LRFN5: variants seen among roughly 807,000 people sequenced by gnomAD.
LRFN5 encodes the protein leucine rich repeat and fibronectin type III domain containing 5.
In LRFN5, 24 loss-of-function variants were observed where a neutral mutation model predicts 45.6. The observed-to-expected ratio is 0.53, with a 90% confidence interval of 0.38 to 0.74. The LOEUF (loss-of-function observed/expected upper bound fraction) is 0.74, where lower values mean the gene tolerates loss of function less well. Among genes scored for constraint, LRFN5 ranks in the 30% least tolerant of loss-of-function variants. LRFN5 has a pLI of 0.00. For missense variants in LRFN5, 776 were observed against 861.5 expected, an observed-to-expected ratio of 0.90 and a Z score of 1.24; for synonymous variants, 340 against 313.8, an observed-to-expected ratio of 1.08 and a Z score of -0.88.
intron 1 of LRFN5, among the ~76,000 whole-genome samples, chr14:41,623,174 A>G (rs147632084): frequency 6.6e-6 from 1 of 152,124 alleles, no homozygotes; most frequent in African/African-American, 2.4e-5. Context: ...TTCTACAGTC[A>G]TTGAATAAAT....
chr14:41,719,667 A>G (rs1486087044), intron 1 of LRFN5, among the ~76,000 whole-genome samples: 1 of 151,746 alleles, frequency 6.6e-6, no homozygotes, highest in African/African-American at 2.4e-5. Flanking sequence ...TACTCTTTCC[A>G]TCTTTTAAGA....
At chr14:41,631,454 A>T (rs1888531139) in intron 1 of LRFN5, among the ~76,000 whole-genome samples, 1 of 152,200 alleles carries the variant, frequency 6.6e-6, no homozygotes, top group Admixed American at 6.5e-5. Flanking sequence ...AATGAAAAAG[A>T]CAAAAATCCC....
intron 1 of LRFN5, among the ~76,000 whole-genome samples, chr14:41,726,374 TG>T (rs1157334288): frequency 6.6e-6 from 1 of 152,166 alleles, no homozygotes; most frequent in Non-Finnish European, 1.5e-5. Flanking sequence ...ACTTAATCTT[TG>T]TTAAATAACA....
intron 1 of LRFN5, among the ~76,000 whole-genome samples, chr14:41,740,335 A>C (rs1012951421): frequency 2.0e-5 from 3 of 152,054 alleles, no homozygotes; most frequent in Non-Finnish European, 4.4e-5. Flanking sequence ...TAAAATATTT[A>C]TTAACTTTGA....
At chr14:41,827,813 A>T (rs886879228) in intron 2 of LRFN5, among the ~76,000 whole-genome samples, 2 of 151,998 alleles carry the variant, frequency 1.3e-5, no homozygotes, top group African/African-American at 4.8e-5. Context: ...TTCATTGCTT[A>T]TATGTTTCTA....
intron 1 of LRFN5, chr14:41,700,648 T>A (rs768029426): frequency 5.9e-5 from 9 of 151,646 alleles, no homozygotes; most frequent in Non-Finnish European, 1.2e-4. Context: ...ACTTGTCGAG[T>A]AGGGAGAAAG....
intron 1 of LRFN5, among the ~76,000 whole-genome samples, chr14:41,712,272 A>G (rs1883315460): frequency 6.8e-6 from 1 of 146,606 alleles, no homozygotes; most frequent in Admixed American, 7.0e-5. Context: ...ATTAAGAAAA[A>G]GGTTTTGGGC....
At chr14:41,740,283 A>G (rs1250359372) in intron 1 of LRFN5, among the ~76,000 whole-genome samples, 2 of 152,074 alleles carry the variant, frequency 1.3e-5, no homozygotes, top group African/African-American at 4.8e-5. Context: ...AATATGGAGC[A>G]AAAATCCTCA....
intron 1 of LRFN5, among the ~76,000 whole-genome samples, chr14:41,681,937 G>C (rs929917640): frequency 1.3e-5 from 2 of 151,594 alleles, no homozygotes; most frequent in African/African-American, 4.8e-5. Flanking sequence ...TCCTGCCTCA[G>C]CCTCCTGAGT....
intron 1 of LRFN5, among the ~76,000 whole-genome samples, chr14:41,717,280 A>T (rs1416565059): frequency 6.6e-6 from 1 of 152,188 alleles, no homozygotes; most frequent in Non-Finnish European, 1.5e-5. Context: ...TTGATCTTTC[A>T]GTCTTGCAGG....
At chr14:41,711,516 C>T (rs1463283367) in intron 1 of LRFN5, among the ~76,000 whole-genome samples, 1 of 152,114 alleles carries the variant, frequency 6.6e-6, no homozygotes, top group East Asian at 1.9e-4. Flanking sequence ...GTATATATCT[C>T]CTGAGAATTC....
At chr14:41,632,800 T>C (rs903676511) in intron 1 of LRFN5, among the ~76,000 whole-genome samples, 7 of 152,198 alleles carry the variant, frequency 4.6e-5, no homozygotes, top group Non-Finnish European at 8.8e-5. Flanking sequence ...ATTTTAGATT[T>C]TTATGTTTAT....
intron 1 of LRFN5, among the ~76,000 whole-genome samples, chr14:41,696,773 G>A (rs1015810737): frequency 6.6e-6 from 1 of 151,888 alleles, no homozygotes; most frequent in Non-Finnish European, 1.5e-5. Context: ...TAACTGGTAT[G>A]AGGTGACGTC....
At chr14:41,800,878 T>A (rs1163222260) in intron 2 of LRFN5, among the ~76,000 whole-genome samples, 1 of 151,894 alleles carries the variant, frequency 6.6e-6, no homozygotes, top group Non-Finnish European at 1.5e-5. Context: ...AAATACTAGC[T>A]CTAGAGAGCA....
intron 2 of LRFN5, among the ~76,000 whole-genome samples, chr14:41,817,071 C>A (rs1488613338): frequency 6.8e-6 from 1 of 147,294 alleles, no homozygotes; most frequent in African/African-American, 2.5e-5. Context: ...TATGGGTAAG[C>A]CCATGAAGGT....
intron 1 of LRFN5, among the ~76,000 whole-genome samples, chr14:41,690,198 G>A (rs1882314622): frequency 6.8e-6 from 1 of 147,346 alleles, no homozygotes; most frequent in Admixed American, 7.0e-5. Context: ...TTCATCATAG[G>A]CATGTATAAT....
intron 1 of LRFN5, among the ~76,000 whole-genome samples, chr14:41,692,444 T>A (rs1027283288): frequency 4.6e-5 from 7 of 152,146 alleles, no homozygotes; most frequent in Non-Finnish European, 7.3e-5. Context: ...CTTTAAGTTC[T>A]AGGGTACATG....
At chr14:41,853,508 C>T (rs181453638) in intron 2 of LRFN5, among the ~76,000 whole-genome samples, 17 of 152,004 alleles carry the variant, frequency 1.1e-4, no homozygotes, top group East Asian at 3.9e-4. Context: ...AACTCTTAAG[C>T]GAACTTTTTA....
chr14:41,840,179 A>G (rs1422125232), intron 2 of LRFN5, among the ~76,000 whole-genome samples: 1 of 152,074 alleles, frequency 6.6e-6, no homozygotes, highest in East Asian at 1.9e-4. Flanking sequence ...GATGTAGAAA[A>G]ATTAGTCTGG....
Sources: gnomAD v4.1 joint callset for allele counts (sites outside exome capture counted in the v4.1 genomes callset) on GRCh38, gnomAD v4.1.1 for gene constraint, MANE v1.5 for transcripts, NCBI Gene and HGNC (gene_info 2026-07-23, HGNC 2026-07-21) for gene names.